The following RIMS2 variants were observed in gnomAD, a reference collection of about 807,000 sequenced individuals.
RIMS2 encodes regulating synaptic membrane exocytosis 2.
A neutral mutation model predicts 174.4 loss-of-function variants in RIMS2; 59 were observed. That is an observed-to-expected ratio of 0.34 (90% CI 0.27 to 0.42). RIMS2 has a LOEUF of 0.42. Among genes scored for constraint, RIMS2 ranks in the 10% least tolerant of loss-of-function variants. RIMS2 has a pLI of 1.00. For missense variants in RIMS2, 1,620 were observed against 1,666.3 expected, an observed-to-expected ratio of 0.97 and a Z score of 0.48; for synonymous variants, 606 against 572.5, an observed-to-expected ratio of 1.06 and a Z score of -0.84.
chr8:103,779,688 G>A (rs1348451650), intron 3 of RIMS2, among the ~76,000 whole-genome samples: 3 of 145,788 alleles, frequency 2.1e-5, no homozygotes, highest in Non-Finnish European at 4.5e-5. Flanking sequence ...TCACTCATAG[G>A]TGGGAATTGA....
chr8:104,247,786 T>C (rs1485949920), intron 20 of RIMS2, among the ~76,000 whole-genome samples: 3 of 152,176 alleles, frequency 2.0e-5, no homozygotes, highest in African/African-American at 7.2e-5. Context: ...ATATGTAGAC[T>C]AAGCAATTGG....
At chr8:103,705,833 T>C (rs2137683729) in intron 2 of RIMS2, among the ~76,000 whole-genome samples, 1 of 151,728 alleles carries the variant, frequency 6.6e-6, no homozygotes, top group East Asian at 1.9e-4. Context: ...TATATTTGGA[T>C]CTTTTTTTTT....
At chr8:104,204,346 G>A in intron 19 of RIMS2, among the ~76,000 whole-genome samples, 1 of 152,164 alleles carries the variant, frequency 6.6e-6, no homozygotes, top group Non-Finnish European at 1.5e-5. Flanking sequence ...TAAACCTTTA[G>A]TCCTGAATGT....
chr8:103,582,059 G>T (rs1378479927), intron 1 of RIMS2, among the ~76,000 whole-genome samples: 1 of 152,142 alleles, frequency 6.6e-6, no homozygotes, highest in African/African-American at 2.4e-5. Context: ...GGGAAGAGTG[G>T]GGAGGACTTT....
intron 19 of RIMS2, among the ~76,000 whole-genome samples, chr8:104,243,681 G>C (rs1375775927): frequency 6.6e-6 from 1 of 151,798 alleles, no homozygotes; most frequent in Non-Finnish European, 1.5e-5. Flanking sequence ...GCAAGACTTT[G>C]TCTCAAAAAA....
chr8:103,796,653 T>C (rs1454177122), intron 3 of RIMS2, among the ~76,000 whole-genome samples: 1 of 152,236 alleles, frequency 6.6e-6, no homozygotes, highest in Non-Finnish European at 1.5e-5. Context: ...AGAATTCTAT[T>C]CTAGCTATGT....
intron 1 of RIMS2, among the ~76,000 whole-genome samples, chr8:103,645,861 C>T (rs1030470666): frequency 3.9e-5 from 6 of 152,048 alleles, no homozygotes; most frequent in African/African-American, 1.2e-4. Context: ...ATTTCATACA[C>T]GTCCATGTGA....
intron 3 of RIMS2, among the ~76,000 whole-genome samples, chr8:103,866,737 T>C (rs892576622): frequency 6.6e-6 from 1 of 152,146 alleles, no homozygotes; most frequent in Admixed American, 6.5e-5. Context: ...TAACATCGGA[T>C]ATTATTGAAC....
At position 104,010,508 on chromosome 8, in the gene RIMS2, A is replaced by T. The variant is rs1216065967; in HGVS notation, c.3045-2934A>T. On this transcript the variant is annotated intron_variant, in intron 17 of 23. Coordinates refer to ENST00000504942, the Ensembl canonical transcript of RIMS2. ...GACTGGGTTGTTAACAATAGTATGT[A>T]TTGTTATAACATTGTTAGTCAATGT... 3.3e-5 allele frequency among the ~76,000 whole-genome samples: 5 copies of T among 152,228 alleles called. No homozygotes were observed. In the East Asian group the frequency reaches 9.7e-4, roughly 29 times the overall value.
At chr8:103,788,753 A>T (rs1257899086) in intron 3 of RIMS2, among the ~76,000 whole-genome samples, 1 of 152,136 alleles carries the variant, frequency 6.6e-6, no homozygotes, top group East Asian at 1.9e-4. Context: ...CCAGAGGTGG[A>T]GCCTACAGAG....
At chr8:103,980,958 G>A (rs2093849879) in intron 16 of RIMS2, among the ~76,000 whole-genome samples, 1 of 152,148 alleles carries the variant, frequency 6.6e-6, no homozygotes, top group African/African-American at 2.4e-5. Flanking sequence ...CCAATCCCTA[G>A]CTCCCAGATA....
At chr8:103,945,953 T>G (rs116401388) in intron 14 of RIMS2, among the ~76,000 whole-genome samples, 1,677 of 152,258 alleles carry the variant, frequency 0.011, 40 homozygotes, top group African/African-American at 0.038. Context: ...TCACTTCTAT[T>G]CAGCAGTGCA....
intron 2 of RIMS2, among the ~76,000 whole-genome samples, chr8:103,757,798 T>C (rs1281645964): frequency 6.6e-6 from 1 of 152,210 alleles, no homozygotes; most frequent in African/African-American, 2.4e-5. Context: ...TGTGAAGATT[T>C]AACAGAGAGA....
At chr8:103,650,243 A>G (rs1220055123) in intron 1 of RIMS2, among the ~76,000 whole-genome samples, 2 of 152,050 alleles carry the variant, frequency 1.3e-5, no homozygotes, top group Admixed American at 6.6e-5. Flanking sequence ...TCCTTCCCAG[A>G]GTTATCACCA....
At chr8:103,746,334 A>AACT (rs2097814602) in intron 2 of RIMS2, among the ~76,000 whole-genome samples, 1 of 152,200 alleles carries the variant, frequency 6.6e-6, no homozygotes, top group Non-Finnish European at 1.5e-5. Context: ...CTCAGTCATT[A>AACT]TAACTGTAGC....
chr8:103,666,140 A>C (rs1331428115), intron 1 of RIMS2, among the ~76,000 whole-genome samples: 1 of 152,200 alleles, frequency 6.6e-6, no homozygotes, highest in African/African-American at 2.4e-5. Flanking sequence ...ATGGACAGAA[A>C]AAGGAAAATG....
chr8:103,895,838 T>C (rs2099274564), intron 4 of RIMS2, among the ~76,000 whole-genome samples: 1 of 151,556 alleles, frequency 6.6e-6, no homozygotes, highest in Admixed American at 6.6e-5. Context: ...CCCTGTGGTA[T>C]GTGTCCCTCT....
At chr8:103,860,475 T>C (rs1321748890) in intron 3 of RIMS2, among the ~76,000 whole-genome samples, 2 of 152,176 alleles carry the variant, frequency 1.3e-5, no homozygotes, top group African/African-American at 4.8e-5. Flanking sequence ...ACAGCCATTG[T>C]TATTGTTAGG....
chr8:103,896,898 T>G (rs1484861595), intron 4 of RIMS2, among the ~76,000 whole-genome samples: 3 of 151,560 alleles, frequency 2.0e-5, no homozygotes, highest in Non-Finnish European at 4.4e-5. Context: ...TTTGGACTCA[T>G]GTGGCATCAC....
Sources: gnomAD v4.1 joint callset for allele counts (sites outside exome capture counted in the v4.1 genomes callset) on GRCh38, gnomAD v4.1.1 for gene constraint, MANE v1.5 for transcripts, NCBI Gene and HGNC (gene_info 2026-07-23, HGNC 2026-07-21) for gene names.